Variants in GRID2 observed in about 807,000 individuals in gnomAD.
The protein encoded by GRID2 is glutamate receptor ionotropic, delta-2.
GRID2 carries 33 observed loss-of-function variants against 114.8 expected under a neutral mutation model. The ratio of observed to expected loss-of-function variants is 0.29; its 90% confidence interval spans 0.22 to 0.38. GRID2 has a LOEUF of 0.38. GRID2 is among the 10% of genes least tolerant of loss of function. GRID2 has a pLI of 1.00. For missense variants in GRID2, 1,184 were observed against 1,257.7 expected (o/e 0.94, Z 0.89); for synonymous variants, 505 against 449.9 (o/e 1.12, Z -1.55).
chr4:92,395,115 T>TA, intron 1 of GRID2, among the ~76,000 whole-genome samples: 1 of 151,630 alleles, frequency 6.6e-6, no homozygotes, highest in Middle Eastern at 4.0e-3. Context: ...TTAAAATATT[T>TA]TGTGTAGAAT....
intron 2 of GRID2, among the ~76,000 whole-genome samples, chr4:92,865,858 A>G (rs1324002424): frequency 1.3e-5 from 2 of 152,248 alleles, no homozygotes; most frequent in African/African-American, 2.4e-5. Flanking sequence ...AATATGCAAT[A>G]CAAACAATGA....
intron 8 of GRID2, among the ~76,000 whole-genome samples, chr4:93,330,757 A>G (rs1758339854): frequency 6.6e-6 from 1 of 152,104 alleles, no homozygotes; most frequent in African/African-American, 2.4e-5. Context: ...TACTCCATAT[A>G]GACAACCCTG....
chr4:93,721,966 T>C lies in GRID2; in HGVS notation c.2361-47244T>C, dbSNP rs182280908. On this transcript the variant is annotated intron_variant, in intron 14 of 15. Coordinates refer to ENST00000282020, the MANE Select transcript of GRID2 (RefSeq NM_001510.4). ...CGGAATCTTGCTCTGCCGCCCAGGC[T>C]GGAGTGCAATGGCATGATCTCAGCT... Among the ~76,000 whole-genome samples, 11 of 149,584 alleles carry C rather than the reference T, an allele frequency of 7.4e-5. 1 individual carries two copies. The East Asian group carries it at 2.2e-3, about 30-fold the overall frequency.
At chr4:92,433,352 G>A (rs998258594) in intron 1 of GRID2, among the ~76,000 whole-genome samples, 3 of 152,164 alleles carry the variant, frequency 2.0e-5, no homozygotes, top group South Asian at 2.1e-4. Flanking sequence ...GGCCTAGACC[G>A]CCTTTCAAGT....
chr4:92,811,599 A>G (rs775484894), intron 2 of GRID2, among the ~76,000 whole-genome samples: 2 of 152,094 alleles, frequency 1.3e-5, no homozygotes, highest in African/African-American at 2.4e-5. Flanking sequence ...TGTGTTTTTC[A>G]CTAGAGGTCC....
intron 2 of GRID2, among the ~76,000 whole-genome samples, chr4:93,003,444 A>C (rs1721204113): frequency 6.6e-6 from 1 of 151,974 alleles, no homozygotes; most frequent in African/African-American, 2.4e-5. Flanking sequence ...ACATCTATCT[A>C]AATTGAGAAA....
chr4:93,754,848 C>T (rs1354635426), intron 14 of GRID2, among the ~76,000 whole-genome samples: 1 of 152,112 alleles, frequency 6.6e-6, no homozygotes, highest in East Asian at 1.9e-4. Flanking sequence ...TTTGCAACTG[C>T]CTGCATTTTG....
At chr4:92,864,660 C>A (rs978871709) in intron 2 of GRID2, among the ~76,000 whole-genome samples, 7 of 152,206 alleles carry the variant, frequency 4.6e-5, no homozygotes, top group African/African-American at 1.7e-4. Context: ...GGTATAGCAT[C>A]CATTGATACA....
chr4:93,326,096 T>A (rs1757807380), intron 8 of GRID2, among the ~76,000 whole-genome samples: 1 of 152,152 alleles, frequency 6.6e-6, no homozygotes, highest in African/African-American at 2.4e-5. Flanking sequence ...CTAAAGCAGT[T>A]TTTAACAGTC....
At chr4:92,304,771 G>A in intron 1 of GRID2, 27 bp downstream of exon 1, 3 of 1,507,066 alleles carry the variant, frequency 2.0e-6, no homozygotes, top group Non-Finnish European at 2.8e-6. Flanking sequence ...GCAGCTCGTG[G>A]TTACTTTTAC....
intron 8 of GRID2, among the ~76,000 whole-genome samples, chr4:93,375,706 A>G (rs896929716): frequency 7.9e-5 from 12 of 152,148 alleles, no homozygotes; most frequent in Non-Finnish European, 1.5e-5. Flanking sequence ...ATACCGATTT[A>G]TTTTTTGTGT....
At position 92,596,348 on chromosome 4, in the gene GRID2, G is replaced by A. The variant is rs150620742; in HGVS notation, c.244+6062G>A. On this transcript the variant is annotated intron_variant, in intron 2 of 15. Coordinates refer to ENST00000282020, the MANE Select transcript of GRID2 (RefSeq NM_001510.4). ...GTCTCAATGTCTATCCCAGTGCTCT[G>A]GTTAACTCTGGACCATCTACATGTG... is the stretch of plus-strand genomic sequence containing the variant. Among the ~76,000 whole-genome samples, 11 of 152,112 alleles carry A rather than the reference G, an allele frequency of 7.2e-5. No individual in the cohort carries two copies. The East Asian group carries it at 2.1e-3, about 29-fold the overall frequency.
At chr4:92,646,417 T>C in intron 2 of GRID2, among the ~76,000 whole-genome samples, 1 of 152,238 alleles carries the variant, frequency 6.6e-6, no homozygotes, top group East Asian at 1.9e-4. Context: ...TAGTTTCTAA[T>C]ACTGATAAAC....
intron 2 of GRID2, among the ~76,000 whole-genome samples, chr4:92,928,681 A>G (rs1434301875): frequency 6.6e-6 from 1 of 151,594 alleles, no homozygotes; most frequent in Non-Finnish European, 1.5e-5. Context: ...TTTAGTACAT[A>G]GGTAATTAAC....
chr4:92,645,572 GAGTA>G (rs1250799852), intron 2 of GRID2, among the ~76,000 whole-genome samples: 2 of 151,610 alleles, frequency 1.3e-5, no homozygotes, highest in African/African-American at 4.8e-5. Context: ...CTATGTACCT[GAGTA>G]AGTAATATCC....
intron 14 of GRID2, among the ~76,000 whole-genome samples, chr4:93,691,752 G>A (rs1160402675): frequency 6.6e-6 from 1 of 151,820 alleles, no homozygotes; most frequent in Admixed American, 6.6e-5. Flanking sequence ...GAATTCTATA[G>A]CTATGCTCAC....
chr4:93,350,310 T>G (rs2149259747), intron 8 of GRID2, among the ~76,000 whole-genome samples: 1 of 152,202 alleles, frequency 6.6e-6, no homozygotes, highest in Non-Finnish European at 1.5e-5. Flanking sequence ...GAACCTATGC[T>G]TTAGCAGTCC....
intron 2 of GRID2, among the ~76,000 whole-genome samples, chr4:93,056,185 T>C (rs563478889): frequency 6.6e-6 from 1 of 152,030 alleles, no homozygotes; most frequent in South Asian, 2.1e-4. Flanking sequence ...AAAGGAAAAG[T>C]ATTTTGAAAC....
chr4:92,521,277 A>C (rs2149139948), intron 1 of GRID2, among the ~76,000 whole-genome samples: 1 of 152,086 alleles, frequency 6.6e-6, no homozygotes, highest in East Asian at 1.9e-4. Flanking sequence ...TCTTAGAAGT[A>C]AATAATTCTT....
Sources: gnomAD v4.1 joint callset for allele counts (sites outside exome capture counted in the v4.1 genomes callset) on GRCh38, gnomAD v4.1.1 for gene constraint, MANE v1.5 for transcripts, NCBI Gene and HGNC (gene_info 2026-07-23, HGNC 2026-07-21) for gene names.